The following TUSC3 variants were observed in gnomAD, a reference collection of about 807,000 sequenced individuals.
TUSC3 encodes the protein tumor suppressor candidate 3.
TUSC3 carries 45 observed loss-of-function variants against 44.8 expected under a neutral mutation model. The ratio of observed to expected loss-of-function variants is 1.00; its 90% CI spans 0.79 to 1.29. The LOEUF (loss-of-function observed/expected upper bound fraction) is 1.29. Ranked by LOEUF, TUSC3 falls within the 50% of genes most tolerant of loss-of-function variation. The pLI is 0.00. For missense variants in TUSC3, 519 were observed against 437.9 expected (o/e 1.19, Z -1.65); for synonymous variants, 212 against 152.9 (o/e 1.39, Z -2.85).
chr8:15,667,403 A>G (rs1807713659), intron 5 of TUSC3, among the ~76,000 whole-genome samples: 3 of 151,750 alleles, frequency 2.0e-5, no homozygotes, highest in African/African-American at 7.2e-5. Flanking sequence ...TGTGAATAGT[A>G]GAAATGCAGT....
At chr8:15,698,934 A>T (rs1809283234) in intron 6 of TUSC3, among the ~76,000 whole-genome samples, 1 of 151,788 alleles carries the variant, frequency 6.6e-6, no homozygotes, top group African/African-American at 2.4e-5. Flanking sequence ...TTAACTTCAA[A>T]ATCCTAGGCT....
chr8:15,571,775 A>G (rs550638774), intron 1 of TUSC3, among the ~76,000 whole-genome samples: 9 of 152,164 alleles, frequency 5.9e-5, no homozygotes, highest in Non-Finnish European at 8.8e-5. Context: ...CCACTGCTCT[A>G]TCAACTAAGT....
intron 6 of TUSC3, among the ~76,000 whole-genome samples, chr8:15,705,448 A>C (rs1809577180): frequency 6.6e-6 from 1 of 152,126 alleles, no homozygotes; most frequent in African/African-American, 2.4e-5. Context: ...TTGATCACCT[A>C]ACAGTAACGT....
At chr8:15,699,980 A>C (rs1298722383) in intron 6 of TUSC3, among the ~76,000 whole-genome samples, 1 of 152,186 alleles carries the variant, frequency 6.6e-6, no homozygotes, top group Non-Finnish European at 1.5e-5. Flanking sequence ...CCAATATTGC[A>C]ACATTAGAAT....
At chr8:15,419,189 GA>G (rs1268126628) in intron 1 of TUSC3, among the ~76,000 whole-genome samples, 1 of 152,066 alleles carries the variant, frequency 6.6e-6, no homozygotes, top group African/African-American at 2.4e-5. Context: ...TGAGAAGGGA[GA>G]AAAAAGTCTT....
In TUSC3 at chr8:15,765,892, A is replaced by G. The variant is rs998458889; in HGVS notation, c.*1736A>G. ...TCAGGTCAAATTTTACAAGTATTAA[A>G]CATTTGTTAATTATAATCACTTTTG... On this transcript the variant is annotated 3_prime_UTR_variant, in exon 11 of 11. Coordinates refer to ENST00000503731, the MANE Select transcript of TUSC3 (RefSeq NM_006765.4). 1 of 152,062 alleles carries G rather than the reference A, an allele frequency of 6.6e-6. No homozygotes were observed. The highest frequency in any genetic ancestry group is 1.5e-5 in the Non-Finnish European group (1 of 67,952). 9.4% of individuals were successfully genotyped at this position (152,062 alleles called of 1,614,324 possible). A position where few individuals can be genotyped will look rare whatever the true frequency, so the allele number is the denominator to read the frequency against.
chr8:15,419,086 C>T (rs1385133994), intron 1 of TUSC3, among the ~76,000 whole-genome samples: 2 of 152,180 alleles, frequency 1.3e-5, no homozygotes, highest in Non-Finnish European at 2.9e-5. Flanking sequence ...TACAATGATA[C>T]ATTTCCCTCT....
At chr8:15,663,418 C>G (rs907335836) in intron 5 of TUSC3, among the ~76,000 whole-genome samples, 9 of 151,722 alleles carry the variant, frequency 5.9e-5, no homozygotes, top group African/African-American at 1.9e-4. Flanking sequence ...CTTGCAGTAG[C>G]CCTTCATCCT....
At chr8:15,640,253 AC>A (rs2129171463) in intron 2 of TUSC3, among the ~76,000 whole-genome samples, 1 of 152,316 alleles carries the variant, frequency 6.6e-6, no homozygotes, top group Non-Finnish European at 1.5e-5. Context: ...AACACTTTAC[AC>A]GTGTCACAAC....
intron 1 of TUSC3, among the ~76,000 whole-genome samples, chr8:15,480,424 T>C (rs1309926055): frequency 2.0e-5 from 3 of 152,162 alleles, no homozygotes; most frequent in Non-Finnish European, 4.4e-5. Context: ...AAAAATACCA[T>C]AGATTTAGTG....
At chr8:15,651,410 T>G (rs142596403) in intron 3 of TUSC3, among the ~76,000 whole-genome samples, 1 of 152,256 alleles carries the variant, frequency 6.6e-6, no homozygotes, top group Non-Finnish European at 1.5e-5. Context: ...TGGACTGAAT[T>G]GTATTTCCCC....
chr8:15,623,003 A>G (rs1805320630), intron 1 of TUSC3, 77 bp from the exon 2 acceptor site: 4 of 1,421,864 alleles, frequency 2.8e-6, no homozygotes, highest in South Asian at 2.5e-5. Context: ...AAAATAAAAC[A>G]TTTTATGCAT....
At chr8:15,777,367 C>T in the TUSC3 span, among the ~76,000 whole-genome samples, 2 of 152,098 alleles carry the variant, frequency 1.3e-5, no homozygotes, top group Admixed American at 6.5e-5. Flanking sequence ...TCCGTATTTC[C>T]TTGACTGCAG....
intron 6 of TUSC3, among the ~76,000 whole-genome samples, chr8:15,719,787 C>T (rs1164895855): frequency 1.3e-5 from 2 of 152,068 alleles, no homozygotes; most frequent in South Asian, 2.1e-4. Flanking sequence ...GAAACTGCGC[C>T]ATATGTTGCC....
intron 1 of TUSC3, among the ~76,000 whole-genome samples, chr8:15,603,875 C>A (rs1432143105): frequency 6.6e-6 from 1 of 151,302 alleles, no homozygotes; most frequent in African/African-American, 2.4e-5. Flanking sequence ...TCAAGTTTAT[C>A]ACCTCCTTGA....
intron 9 of TUSC3, among the ~76,000 whole-genome samples, chr8:15,749,732 G>T (rs1379725832): frequency 1.4e-5 from 2 of 140,386 alleles, no homozygotes; most frequent in Non-Finnish European, 3.1e-5. Context: ...GAAAGATGAA[G>T]TTTTTTTTTT....
intron 1 of TUSC3, among the ~76,000 whole-genome samples, chr8:15,555,113 G>C (rs988261318): frequency 6.9e-6 from 1 of 145,536 alleles, no homozygotes; most frequent in African/African-American, 2.5e-5. Context: ...GATTAGGTAC[G>C]TAGGTGACAA....
chr8:15,446,251 C>T (rs1214019583), intron 1 of TUSC3, among the ~76,000 whole-genome samples: 2 of 151,522 alleles, frequency 1.3e-5, no homozygotes, highest in Admixed American at 6.6e-5. Context: ...GATGGGATGG[C>T]GGCCGGGAAG....
intron 6 of TUSC3, among the ~76,000 whole-genome samples, chr8:15,697,208 T>C (rs1426058887): frequency 1.3e-5 from 2 of 152,226 alleles, no homozygotes; most frequent in South Asian, 2.1e-4. Context: ...CTATCAGTTT[T>C]ATTTATATTT....
Sources: allele counts gnomAD v4.1 joint callset (sites outside exome capture counted in the v4.1 genomes callset), GRCh38; gene constraint gnomAD v4.1.1; transcripts MANE v1.5; gene names NCBI Gene and HGNC (gene_info 2026-07-23, HGNC 2026-07-21).